Variants in POT1 observed in about 807,000 individuals in gnomAD.
The protein encoded by POT1 is protection of telomeres 1.
Under a neutral mutation model 78.5 loss-of-function variants are expected in POT1, and 47 were observed. The observed-to-expected ratio is 0.60, with a 90% CI of 0.47 to 0.76. The LOEUF (loss-of-function observed/expected upper bound fraction) is 0.76. POT1 is among the 30% of genes least tolerant of loss of function. The pLI is 0.00. For missense variants in POT1, 646 were observed against 749.9 expected, an observed-to-expected ratio of 0.86 and a Z score of 1.62; for synonymous variants, 259 against 260.7, an observed-to-expected ratio of 0.99 and a Z score of 0.06.
intron 3 of POT1, among the ~76,000 whole-genome samples, chr7:124,914,639 A>G (rs1796974437): frequency 6.6e-6 from 1 of 152,218 alleles, no homozygotes; most frequent in Non-Finnish European, 1.5e-5. Flanking sequence ...TTATACTACA[A>G]CAATAAATAA....
intron 2 of POT1, among the ~76,000 whole-genome samples, chr7:124,925,576 T>A (rs1420711593): frequency 1.3e-5 from 2 of 152,080 alleles, no homozygotes; most frequent in Non-Finnish European, 2.9e-5. Flanking sequence ...AAATTACTGA[T>A]GTCATTCTTC....
At chr7:124,891,591 C>T (rs13222197) in intron 6 of POT1, among the ~76,000 whole-genome samples, 48,291 of 151,296 alleles carry the variant, frequency 0.32, 7,724 homozygotes, top group South Asian at 0.4. Flanking sequence ...ACACTCAATT[C>T]CCTATTTTCT....
chr7:124,853,132 T>G lies in POT1; in HGVS notation c.709A>C (p.Ser237Arg), dbSNP rs1554424059. Residue 237 changes from serine (S) to arginine (R), a missense_variant, in exon 10 of 19, where the codon AGC (serine) becomes CGC (arginine). By Grantham distance (110) the Ser-to-Arg change is moderately radical. Coordinates refer to ENST00000357628, the MANE Select transcript of POT1 (RefSeq NM_015450.3). Reference protein sequence around the residue: ...VHVARSLKVGSFLRIYSLHTK... With the variant: ...VHVARSLKVGRFLRIYSLHTK... ...TGAAGGCTATAGATTCTAAGAAAGC[T>G]TCCAACCTAAAAAATAGATCATTTG... is the stretch of plus-strand genomic sequence containing the variant. 6.4e-7 allele frequency: 1 copy of G among 1,572,512 alleles called. No individual in the cohort carries two copies. Among genetic ancestry groups the G allele is most frequent in the East Asian group, 2.2e-5 (1 of 44,538 alleles).
chr7:124,882,088 G>T (rs954832985), intron 6 of POT1, among the ~76,000 whole-genome samples: 1 of 151,942 alleles, frequency 6.6e-6, no homozygotes, highest in African/African-American at 2.4e-5. Context: ...GTATGATTAA[G>T]TGTAAATTGC....
intron 6 of POT1, among the ~76,000 whole-genome samples, chr7:124,871,993 G>A (rs968646262): frequency 4.6e-5 from 7 of 151,914 alleles, no homozygotes; most frequent in African/African-American, 1.7e-4. Context: ...CTGAAATATT[G>A]TATCAGTTGA....
intron 15 of POT1, among the ~76,000 whole-genome samples, chr7:124,830,442 A>G (rs1794732873): frequency 6.6e-6 from 1 of 152,182 alleles, no homozygotes; most frequent in Non-Finnish European, 1.5e-5. Context: ...TCTATTTATT[A>G]AATATATAGG....
intron 9 of POT1, among the ~76,000 whole-genome samples, chr7:124,855,389 A>AT (rs1239413393): frequency 1.3e-5 from 2 of 151,844 alleles, no homozygotes; most frequent in African/African-American, 4.8e-5. Flanking sequence ...CTACTACAGT[A>AT]TTTTTTAACA....
At position 124,863,248 on chromosome 7, in the gene POT1, A is replaced by C. The variant is rs1397988751; in HGVS notation, c.546+102T>G. The C allele has an allele frequency of 2.6e-6, 3 of 1,162,038 alleles. No homozygotes were observed. The African/African-American group carries it at 4.7e-5, about 18-fold the overall frequency. The allele number at this position is 1,162,038 out of a possible 1,614,324, so 72.0% of individuals were successfully genotyped here. On this transcript the variant is annotated intron_variant, in intron 8 of 18. Coordinates refer to ENST00000357628, the MANE Select transcript of POT1 (RefSeq NM_015450.3). ...TAGTTAAAATTTAAGTTCCTAGTAT[A>C]ATACACAGCATGCTTTATCTCATCA...
chr7:124,875,721 T>C (rs1331179396), intron 6 of POT1, among the ~76,000 whole-genome samples: 1 of 152,148 alleles, frequency 6.6e-6, no homozygotes, highest in African/African-American at 2.4e-5. Flanking sequence ...TGAAAATATG[T>C]TTCTAAAAAT....
At position 124,842,864 on chromosome 7, in the gene POT1, T is replaced by C. The variant is rs763905854; in HGVS notation, c.1106A>G (p.Tyr369Cys). The change falls in exon 13 of 19, where the codon TAT (tyrosine) becomes TGT (cysteine). Residue 369 changes from tyrosine (Y) to cysteine (C), a missense_variant. Around this residue, in one of 2 missense-constraint regions of POT1, gnomAD observed 394 missense variants for 408.4 expected, o/e 0.96. Transcript: ENST00000357628. ...AGACTGAAATAGTCTTCTGGGCTTA[T>C]ATGACCTCAATTTTGCTCGGATGCG... ...QYRIRAKLRS[Y>C]KPRRLFQSVK... 18 of 1,610,918 alleles carry C rather than the reference T, an allele frequency of 1.1e-5. No individual in the cohort carries two copies. The highest frequency in any genetic ancestry group is 1.4e-5 in the Non-Finnish European group (17 of 1,179,134).
intron 17 of POT1, among the ~76,000 whole-genome samples, chr7:124,826,189 G>C (rs1028387517): frequency 3.9e-5 from 6 of 152,140 alleles, no homozygotes; most frequent in Admixed American, 1.3e-4. Flanking sequence ...AAATCTTTTA[G>C]CAGAGCTTCC....
intron 3 of POT1, among the ~76,000 whole-genome samples, chr7:124,904,393 A>G (rs1470671752): frequency 9.2e-5 from 14 of 152,158 alleles, no homozygotes. Flanking sequence ...AAAGACAAAA[A>G]CCACATGATT....
chr7:124,873,078 A>G (rs937327692), intron 6 of POT1, among the ~76,000 whole-genome samples: 2 of 152,180 alleles, frequency 1.3e-5, no homozygotes, highest in Non-Finnish European at 1.5e-5. Context: ...ATATTAACCC[A>G]TTATCAGATA....
chr7:124,929,628 A>T (rs1017241241), intron 1 of POT1, 166 bp downstream of exon 1: 4 of 152,022 alleles, frequency 2.6e-5, no homozygotes, highest in Non-Finnish European at 5.9e-5. Context: ...TTCTCCCAAA[A>T]CACCAAGAAA....
intron 8 of POT1, among the ~76,000 whole-genome samples, chr7:124,862,538 A>G (rs1023597459): frequency 1.3e-5 from 2 of 152,132 alleles, no homozygotes; most frequent in Non-Finnish European, 2.9e-5. Context: ...TGAGTGTGCT[A>G]TTTTCAACTG....
intron 3 of POT1, among the ~76,000 whole-genome samples, chr7:124,913,736 AT>A (rs34615811): frequency 0.32 from 49,247 of 151,992 alleles, 7,987 homozygotes; most frequent in South Asian, 0.4. Context: ...ACAAATGGTC[AT>A]TCTTAAATGG....
chr7:124,826,461 C>A (rs567437976), intron 17 of POT1, among the ~76,000 whole-genome samples: 32 of 152,144 alleles, frequency 2.1e-4, no homozygotes, highest in Admixed American at 1.2e-3. Flanking sequence ...CTTCCAATTG[C>A]AATTAGTGTC....
In POT1 at chr7:124,877,840, C is replaced by CAAAAAAAAAAAAAAA. The variant is rs201285982; in HGVS notation, c.125-6814_125-6800dup. Among the ~76,000 whole-genome samples the CAAAAAAAAAAAAAAA allele has an allele frequency of 3.9e-3, 312 of 80,500 alleles. 23 individuals are homozygous for CAAAAAAAAAAAAAAA. Among genetic ancestry groups the CAAAAAAAAAAAAAAA allele is most frequent in the East Asian group, 7.5e-3 (13 of 1,744 alleles). 52.8% of individuals were successfully genotyped at this position (80,500 alleles called of 152,430 possible). ...TGGGCGACAGAGAGAGATTCTGTCTCAAAAAAAAAAAAAAAAAAAAAAAAA... is the reference window on the plus strand; with the variant it reads ...TGGGCGACAGAGAGAGATTCTGTCTCAAAAAAAAAAAAAAAAAAAAAAAAAAAAAAAAAAAAAAAA... On this transcript the variant is annotated intron_variant, in intron 6 of 18. Transcript: ENST00000357628.
intron 2 of POT1, among the ~76,000 whole-genome samples, chr7:124,919,716 T>C (rs776270591): frequency 3.3e-5 from 5 of 152,166 alleles, no homozygotes; most frequent in African/African-American, 4.8e-5. Context: ...GCCACTTTGA[T>C]ACTGATCTTC....
Sources: allele counts gnomAD v4.1 joint callset (sites outside exome capture counted in the v4.1 genomes callset), GRCh38; gene constraint gnomAD v4.1.1; regional missense constraint gnomAD v4.1.1; transcripts MANE v1.5; gene names NCBI Gene and HGNC (gene_info 2026-07-23, HGNC 2026-07-21).